Variants in APBA1 observed in about 807,000 individuals in gnomAD.
APBA1 encodes amyloid-beta A4 precursor protein-binding family A member 1.
APBA1 carries 55 observed loss-of-function variants against 86.6 expected under a neutral mutation model. The observed-to-expected ratio is 0.64, with a 90% CI of 0.51 to 0.80. APBA1 has a LOEUF of 0.80. Ranked by LOEUF, APBA1 falls within the 30% of genes least tolerant of loss-of-function variation. The pLI is 0.00. For missense variants in APBA1, 1,090 were observed against 1,183.0 expected, an observed-to-expected ratio of 0.92 and a Z score of 1.15; for synonymous variants, 511 against 493.9, an observed-to-expected ratio of 1.03 and a Z score of -0.46.
Position 69,516,893 on chromosome 9 carries a change from C to T in APBA1, c.318G>A (p.Ala106=), listed in dbSNP as rs1024282016. The change falls in exon 2 of 13, where the codon GCG becomes GCA. Residue 106 remains alanine, a synonymous_variant. Transcript: ENST00000265381. This position sits in a 1 kb window ranked among gnomAD's most constrained non-coding sequence, Gnocchi z 7.3. ...VIAAARDGYD[A]ERAQDPEDES... ...CGTCCTCGGGGTCCTGCGCGCGCTC[C>T]GCATCGTAGCCGTCGCGGGCCGCGG... 2 of 1,594,058 alleles carry T rather than the reference C, an allele frequency of 1.3e-6. No homozygotes were observed. Among genetic ancestry groups the T allele is most frequent in the East Asian group, 2.2e-5 (1 of 44,586 alleles).
chr9:69,626,869 C>T (rs1359083637), intron 1 of APBA1, among the ~76,000 whole-genome samples: 1 of 151,640 alleles, frequency 6.6e-6, no homozygotes, highest in African/African-American at 2.4e-5. Context: ...AACTTATAAT[C>T]CTGAGGCCAG....
intron 1 of APBA1, among the ~76,000 whole-genome samples, chr9:69,555,231 C>T (rs1836844600): frequency 6.6e-6 from 1 of 152,116 alleles, no homozygotes; most frequent in African/African-American, 2.4e-5. Flanking sequence ...TAGCATTGGG[C>T]TGTTTCACCC....
intron 1 of APBA1, among the ~76,000 whole-genome samples, chr9:69,632,598 T>C (rs1823070748): frequency 1.3e-5 from 2 of 152,194 alleles, no homozygotes; most frequent in Non-Finnish European, 2.9e-5. Flanking sequence ...CCTGGTACAA[T>C]GTAAGCTCTC....
chr9:69,532,566 T>C (rs1836450157), intron 1 of APBA1, among the ~76,000 whole-genome samples: 1 of 152,214 alleles, frequency 6.6e-6, no homozygotes, highest in Non-Finnish European at 1.5e-5. Context: ...AAGTGCCTGC[T>C]CATGCATTGA....
intron 1 of APBA1, among the ~76,000 whole-genome samples, chr9:69,568,442 T>C (rs1226682451): frequency 6.6e-6 from 1 of 152,232 alleles, no homozygotes; most frequent in East Asian, 1.9e-4. Flanking sequence ...TTCCATTTAA[T>C]TACTACAAAA....
chr9:69,554,566 G>T (rs1836833106), intron 1 of APBA1, among the ~76,000 whole-genome samples: 1 of 152,136 alleles, frequency 6.6e-6, no homozygotes, highest in Admixed American at 6.5e-5. Context: ...AACTCTAGAA[G>T]TTTCCAGCGG....
chr9:69,432,665 G>A lies in APBA1; in HGVS notation c.2313C>T (p.Leu771=), dbSNP rs570838778. ...FSVQNGIICS[L]MRGGIAERGG... Reference sequence around the variant, plus strand: ...CTCTCTCAGCTATTCCCCCTCGCATGAGGCTGCAGATCTGCCAGAGTCAAA... The same window carrying A: ...CTCTCTCAGCTATTCCCCCTCGCATAAGGCTGCAGATCTGCCAGAGTCAAA... Residue 771 remains leucine (L), a synonymous_variant, in exon 12 of 13, where the codon CTC becomes CTT. Transcript: ENST00000265381. The A allele has an allele frequency of 1.3e-6, 2 of 1,586,752 alleles. No individual in the cohort carries two copies. The highest frequency in any genetic ancestry group is 1.7e-5 in the Admixed American group (1 of 57,250).
Position 69,658,434 on chromosome 9 carries a change from A to C in APBA1, c.-70+13719T>G, listed in dbSNP as rs548388404. ...TTTCTTTCTTTCTTTCCTTTTTGAG[A>C]CAGAGACTTGCTTTGTCACCCAGGC... On this transcript the variant is annotated intron_variant, in intron 1 of 12. Coordinates refer to ENST00000265381, the MANE Select transcript of APBA1 (RefSeq NM_001163.4). 1.5e-4 allele frequency among the ~76,000 whole-genome samples: 22 copies of C among 145,986 alleles called. No individual in the cohort carries two copies. In the South Asian group the frequency reaches 4.7e-3, roughly 31 times the overall value.
rs756578388 is a variant in APBA1 at position 69,452,138 on chromosome 9, G to A, written c.1952C>T (p.Ser651Leu). 10 of 1,613,992 alleles carry A rather than the reference G, an allele frequency of 6.2e-6. No individual in the cohort carries two copies. The South Asian group carries it at 6.6e-5, about 11-fold the overall frequency. Reference protein sequence around the residue: ...YNDDLIHFSKSENCKDVFIEK... With the variant: ...YNDDLIHFSKLENCKDVFIEK... ...AGTACCCACATCTTTACAGTTTTCC[G>A]ACTTGGAGAAGTGGATCAGGTCATC... is the stretch of plus-strand genomic sequence containing the variant. Residue 651 changes from serine (S) to leucine (L), a missense_variant, in exon 9 of 13, where the codon TCG becomes TTG. By Grantham distance (145) the Ser-to-Leu change is moderately radical (BLOSUM62 -2). Coordinates refer to ENST00000265381, the MANE Select transcript of APBA1 (RefSeq NM_001163.4).
chr9:69,436,780 C>T (rs1834731140), intron 11 of APBA1, among the ~76,000 whole-genome samples: 1 of 152,068 alleles, frequency 6.6e-6, no homozygotes. Flanking sequence ...CTTCTCCTGC[C>T]TAATTGCCCT....
chr9:69,627,986 AG>A (rs1308709754), intron 1 of APBA1, among the ~76,000 whole-genome samples: 1 of 152,066 alleles, frequency 6.6e-6, no homozygotes, highest in Non-Finnish European at 1.5e-5. Flanking sequence ...CTTTGATGGC[AG>A]GTGTGACCTG....
chr9:69,643,019 A>AACACAC (rs369247145), intron 1 of APBA1, among the ~76,000 whole-genome samples: 91 of 141,582 alleles, frequency 6.4e-4, no homozygotes, highest in African/African-American at 2.1e-3. Context: ...CCCCGCCACA[A>AACACAC]ACACACACAC....
At chr9:69,553,124 T>G in intron 1 of APBA1, among the ~76,000 whole-genome samples, 1 of 152,174 alleles carries the variant, frequency 6.6e-6, no homozygotes, top group Non-Finnish European at 1.5e-5. Flanking sequence ...CACGTTAGTG[T>G]TGAACTCCTG....
rs1230704618 is a variant in APBA1 at position 69,516,895 on chromosome 9, C to T, written c.316G>A (p.Ala106Thr). 6.3e-7 allele frequency: 1 copy of T among 1,594,618 alleles called. No homozygotes were observed. The highest frequency in any genetic ancestry group is 1.7e-5 in the Admixed American group (1 of 59,284). ...TCCTCGGGGTCCTGCGCGCGCTCCGCATCGTAGCCGTCGCGGGCCGCGGCG... is the reference window on the plus strand; with the variant it reads ...TCCTCGGGGTCCTGCGCGCGCTCCGTATCGTAGCCGTCGCGGGCCGCGGCG... ...VIAAARDGYD[A>T]ERAQDPEDES... The change falls in exon 2 of 13, where the codon GCG becomes ACG. Residue 106 changes from alanine to threonine, a missense_variant. Ala to Thr is a moderately conservative substitution (Grantham distance 58, BLOSUM62 0). Transcript: ENST00000265381. The surrounding 1 kb of genome is among the most constrained non-coding windows in gnomAD (Gnocchi z 7.3).
intron 1 of APBA1, among the ~76,000 whole-genome samples, chr9:69,594,000 G>A (rs573665635): frequency 6.6e-6 from 1 of 152,262 alleles, no homozygotes; most frequent in South Asian, 2.1e-4. Flanking sequence ...CAGAGGCGTT[G>A]GATCTTCTGG....
chr9:69,591,063 C>G (rs534795902), intron 1 of APBA1, among the ~76,000 whole-genome samples: 2 of 152,300 alleles, frequency 1.3e-5, no homozygotes, highest in Admixed American at 1.3e-4. Flanking sequence ...AGGTGAAAAA[C>G]TGCATGTGAT....
At chr9:69,486,238 C>T (rs547966778) in intron 2 of APBA1, among the ~76,000 whole-genome samples, 1 of 152,238 alleles carries the variant, frequency 6.6e-6, no homozygotes, top group African/African-American at 2.4e-5. Context: ...AGGCATGAAC[C>T]ACTGCCCCCG....
At chr9:69,651,583 C>T (rs1823503054) in intron 1 of APBA1, among the ~76,000 whole-genome samples, 1 of 152,072 alleles carries the variant, frequency 6.6e-6, no homozygotes, top group Admixed American at 6.5e-5. Context: ...TCAAGCGATT[C>T]TCCTGCCTTA....
At chr9:69,657,018 T>G in intron 1 of APBA1, among the ~76,000 whole-genome samples, 2 of 151,758 alleles carry the variant, frequency 1.3e-5, no homozygotes, top group Non-Finnish European at 2.9e-5. Context: ...GCTAATTTTT[T>G]GTATTTTTAG....
Sources: allele counts gnomAD v4.1 joint callset (sites outside exome capture counted in the v4.1 genomes callset), GRCh38; gene constraint gnomAD v4.1.1; non-coding constraint Gnocchi (gnomAD v3.1); transcripts MANE v1.5; gene names NCBI Gene and HGNC (gene_info 2026-07-23, HGNC 2026-07-21).